GALR1: variants seen among roughly 807,000 people sequenced by gnomAD.
GALR1 encodes galanin receptor type 1.
GALR1 carries 11 observed loss-of-function variants against 17.9 expected under a neutral mutation model. The ratio of observed to expected loss-of-function variants is 0.62; its 90% CI spans 0.39 to 1.02. The LOEUF (loss-of-function observed/expected upper bound fraction) is 1.02. Among genes scored for constraint, GALR1 ranks in the 50% least tolerant of loss-of-function variants. The pLI, the probability that GALR1 is intolerant of heterozygous loss-of-function variation, is 0.01. For synonymous variants in GALR1, 206 were observed against 205.7 expected, an observed-to-expected ratio of 1.00 and a Z score of -0.01; for missense variants, 441 against 456.9, an observed-to-expected ratio of 0.97 and a Z score of 0.32.
chr18:77,270,203 T>A lies in GALR1; in HGVS notation c.*1301T>A, dbSNP rs959489157. The A allele has an allele frequency of 6.6e-6, 1 of 152,224 alleles. No individual in the cohort carries two copies. Among genetic ancestry groups the A allele is most frequent in the African/African-American group, 2.4e-5 (1 of 41,446 alleles). The allele number at this position is 152,224 out of a possible 1,614,324, so 9.4% of individuals were successfully genotyped here. A position where few individuals can be genotyped will look rare whatever the true frequency, so the allele number is the denominator to read the frequency against. On this transcript the variant is annotated 3_prime_UTR_variant, in exon 3 of 3. Transcript: ENST00000299727. ...GGAGGCAACAAAAGCAAGAAGTTTTTTTTTTGTTTGTTTGTTAAAAAGGAT... is the reference window on the plus strand; with the variant it reads ...GGAGGCAACAAAAGCAAGAAGTTTTATTTTTGTTTGTTTGTTAAAAAGGAT...
chr18:77,252,947 CCAT>C (rs770757533), intron 1 of GALR1, among the ~76,000 whole-genome samples: 931 of 57,438 alleles, frequency 0.016, 18 homozygotes, highest in Non-Finnish European at 0.018. Flanking sequence ...ACCACCACCA[CCAT>C]CACCACCATC....
chr18:77,265,331 G>C (rs1386661707), intron 2 of GALR1, among the ~76,000 whole-genome samples: 1 of 152,196 alleles, frequency 6.6e-6, no homozygotes, highest in Non-Finnish European at 1.5e-5. Flanking sequence ...TCACGTCCAG[G>C]TCACACTGAT....
rs1912992724 is a variant in GALR1 at position 77,268,605 on chromosome 18, G to C, written c.753G>C (p.Val251=). The change falls in exon 3 of 3, where the codon GTG becomes GTC. Residue 251 remains valine, a synonymous_variant. Coordinates refer to ENST00000299727, the MANE Select transcript of GALR1 (RefSeq NM_001480.4). The part of the protein sequence containing the change: ...SKKKTAQTVL[V]VVVVFGISWL... ...TCTAGACTGCACAGACAGTTCTGGT[G>C]GTGGTTGTGGTGTTTGGAATCTCCT... 1 of 1,613,896 alleles carries C rather than the reference G, an allele frequency of 6.2e-7. No homozygotes were observed. Among genetic ancestry groups the C allele is most frequent in the South Asian group, 1.1e-5 (1 of 91,070 alleles).
At chr18:77,259,316 G>GTTGGTGTTGGTGGTGGTC (rs1912754139) in intron 2 of GALR1, among the ~76,000 whole-genome samples, 1 of 114,438 alleles carries the variant, frequency 8.7e-6, no homozygotes, top group Non-Finnish European at 1.9e-5. Flanking sequence ...TGGTGGTGAT[G>GTTGGTGTTGGTGGTGGTC]ATGGTGGTCA....
intron 2 of GALR1, among the ~76,000 whole-genome samples, chr18:77,263,190 A>T (rs1912870867): frequency 6.6e-6 from 1 of 152,244 alleles, no homozygotes; most frequent in South Asian, 2.1e-4. Flanking sequence ...AGGTATAATT[A>T]TATCTAGATT....
chr18:77,252,272 A>T (rs1473802762), intron 1 of GALR1, among the ~76,000 whole-genome samples: 1 of 152,242 alleles, frequency 6.6e-6, no homozygotes, highest in Non-Finnish European at 1.5e-5. Flanking sequence ...TCACCGGGTA[A>T]ACCCTAATGT....
At chr18:77,268,329 A>G in intron 2 of GALR1, among the ~76,000 whole-genome samples, 1 of 152,212 alleles carries the variant, frequency 6.6e-6, no homozygotes, top group South Asian at 2.1e-4. Context: ...CACATATATC[A>G]CAAAATTATT....
chr18:77,252,971 T>TCACCATCACCAC (rs1912491911), intron 1 of GALR1, among the ~76,000 whole-genome samples: 1 of 23,166 alleles, frequency 4.3e-5, no homozygotes. Flanking sequence ...ACCACCACCA[T>TCACCATCACCAC]CACCACCATC....
At chr18:77,256,790 T>C (rs1477736353) in intron 2 of GALR1, among the ~76,000 whole-genome samples, 1 of 152,178 alleles carries the variant, frequency 6.6e-6, no homozygotes, top group Non-Finnish European at 1.5e-5. Context: ...CTAACTGACT[T>C]TCTCATCCCC....
intron 1 of GALR1, among the ~76,000 whole-genome samples, chr18:77,254,346 A>G (rs534824428): frequency 3.9e-5 from 6 of 152,354 alleles, no homozygotes; most frequent in African/African-American, 1.2e-4. Context: ...CAGAGCTAAT[A>G]AAAATAGACT....
At chr18:77,251,243 G>T in intron 1 of GALR1, 29 bp downstream of exon 1, 1 of 1,568,172 alleles carries the variant, frequency 6.4e-7, no homozygotes, top group South Asian at 1.2e-5. Flanking sequence ...GCCGAGACGC[G>T]CGAGGGAGGG....
At chr18:77,252,929 C>T (rs866085439) in intron 1 of GALR1, among the ~76,000 whole-genome samples, 422 of 34,236 alleles carry the variant, frequency 0.012, 4 homozygotes, top group Middle Eastern at 0.045. Flanking sequence ...ACCATCACCA[C>T]CACCACCACC....
intron 1 of GALR1, among the ~76,000 whole-genome samples, chr18:77,255,185 G>T (rs1361368033): frequency 2.0e-5 from 3 of 152,224 alleles, no homozygotes; most frequent in Admixed American, 2.0e-4. Flanking sequence ...CCTGGGGCTA[G>T]ATTTTCTCTA....
Position 77,250,178 on chromosome 18 carries a change from G to A in GALR1, c.-371G>A, listed in dbSNP as rs955193260. Among the ~76,000 whole-genome samples the A allele has an allele frequency of 6.6e-6, 1 of 152,212 alleles. No homozygotes were observed. ...CGGCGAAGATCTGGAGCGGTAAGGC[G>A]GAGAGAAGGGTCTTTCCACCTGCGC... On this transcript the variant is annotated 5_prime_UTR_variant, in exon 1 of 3. Coordinates refer to ENST00000299727, the MANE Select transcript of GALR1 (RefSeq NM_001480.4).
Position 77,271,668 on chromosome 18 carries a change from A to T in GALR1, c.*2766A>T, listed in dbSNP as rs993423864. On this transcript the variant is annotated 3_prime_UTR_variant, in exon 3 of 3. Transcript: ENST00000299727. The stretch of plus-strand genomic sequence containing the variant: ...GGGAGAAATATTGCTTATACCTTTG[A>T]AGTCAGGCTGCTTGAAACTCACATT... The T allele has an allele frequency of 6.6e-6, 1 of 152,184 alleles. No individual in the cohort carries two copies. Among genetic ancestry groups the T allele is most frequent in the East Asian group, 1.9e-4 (1 of 5,192 alleles). The allele number at this position is 152,184 out of a possible 1,614,324, so 9.4% of individuals were successfully genotyped here. A position where few individuals can be genotyped will look rare whatever the true frequency, so the allele number is the denominator to read the frequency against.
chr18:77,251,576 C>A (rs945050945), intron 1 of GALR1, among the ~76,000 whole-genome samples: 1 of 152,242 alleles, frequency 6.6e-6, no homozygotes, highest in Non-Finnish European at 1.5e-5. Context: ...GCATCCTTCC[C>A]GGTACAGCAA....
chr18:77,257,779 A>G (rs1220373508), intron 2 of GALR1, among the ~76,000 whole-genome samples: 2 of 152,238 alleles, frequency 1.3e-5, no homozygotes, highest in Non-Finnish European at 2.9e-5. Context: ...GAAGAGATCA[A>G]TGTGTGAGTC....
chr18:77,260,116 A>G (rs140789985), intron 2 of GALR1, among the ~76,000 whole-genome samples: 1 of 152,254 alleles, frequency 6.6e-6, no homozygotes, highest in African/African-American at 2.4e-5. Flanking sequence ...GCTTTAAGAA[A>G]ATACCATAGT....
At chr18:77,259,815 G>T (rs1912788591) in intron 2 of GALR1, among the ~76,000 whole-genome samples, 1 of 151,976 alleles carries the variant, frequency 6.6e-6, no homozygotes, top group South Asian at 2.1e-4. Flanking sequence ...TGAGAAGGGA[G>T]GTGGCGGAGA....
Sources: gnomAD v4.1 joint callset for allele counts (sites outside exome capture counted in the v4.1 genomes callset) on GRCh38, gnomAD v4.1.1 for gene constraint, MANE v1.5 for transcripts, NCBI Gene and HGNC (gene_info 2026-07-23, HGNC 2026-07-21) for gene names.